AGBL4: variants seen among roughly 807,000 people sequenced by gnomAD.
AGBL4 encodes cytosolic carboxypeptidase 6.
Under a neutral mutation model 66.4 loss-of-function variants are expected in AGBL4, and 58 were observed. The observed-to-expected ratio is 0.87, with a 90% CI of 0.71 to 1.09. The LOEUF is 1.09. AGBL4 is among the 50% of genes least tolerant of loss of function. AGBL4 has a pLI of 0.00. For synonymous variants in AGBL4, 234 were observed against 222.9 expected (o/e 1.05, Z -0.44); for missense variants, 579 against 631.0 (o/e 0.92, Z 0.88).
chr1:49,225,286 G>A (rs566709965), intron 4 of AGBL4, among the ~76,000 whole-genome samples: 1 of 152,254 alleles, frequency 6.6e-6, no homozygotes, highest in Non-Finnish European at 1.5e-5. Flanking sequence ...TATCAACATA[G>A]AAAATATCTG....
intron 1 of AGBL4, among the ~76,000 whole-genome samples, chr1:49,936,121 C>T (rs1653981276): frequency 6.6e-6 from 1 of 152,068 alleles, no homozygotes; most frequent in Non-Finnish European, 1.5e-5. Context: ...ACTAGAATAA[C>T]CAATATACAG....
intron 5 of AGBL4, among the ~76,000 whole-genome samples, chr1:48,976,822 A>AAT: frequency 6.6e-6 from 1 of 151,862 alleles, no homozygotes; most frequent in East Asian, 1.9e-4. Context: ...CTACTTTTTT[A>AAT]GACCTTCTAA....
chr1:49,644,435 A>T (rs1410425157), intron 3 of AGBL4, among the ~76,000 whole-genome samples: 3 of 151,696 alleles, frequency 2.0e-5, no homozygotes, highest in African/African-American at 4.8e-5. Flanking sequence ...ACTACACAGA[A>T]AGGTTAAAGT....
chr1:49,104,048 C>T (rs1326039177), intron 4 of AGBL4, among the ~76,000 whole-genome samples: 2 of 152,294 alleles, frequency 1.3e-5, no homozygotes, highest in East Asian at 3.9e-4. Context: ...AGGTTAGGAA[C>T]ATGCTATGCA....
chr1:49,864,599 G>A (rs1360976715), intron 1 of AGBL4, among the ~76,000 whole-genome samples: 1 of 152,084 alleles, frequency 6.6e-6, no homozygotes, highest in Non-Finnish European at 1.5e-5. Context: ...CCTAGCCAAG[G>A]GATGCAGGGA....
chr1:49,242,669 G>A (rs1651329556), intron 4 of AGBL4, among the ~76,000 whole-genome samples: 1 of 151,900 alleles, frequency 6.6e-6, no homozygotes, highest in South Asian at 2.1e-4. Context: ...ATGCTACAGA[G>A]CCCTAACCAC....
At chr1:49,732,972 C>G (rs1231608302) in intron 2 of AGBL4, among the ~76,000 whole-genome samples, 6 of 151,964 alleles carry the variant, frequency 3.9e-5, no homozygotes, top group African/African-American at 1.4e-4. Flanking sequence ...ATGAGCCCAA[C>G]TGCTGACACC....
chr1:48,602,795 C>A (rs530759478), intron 9 of AGBL4, among the ~76,000 whole-genome samples: 1 of 152,338 alleles, frequency 6.6e-6, no homozygotes, highest in African/African-American at 2.4e-5. Flanking sequence ...CCTCTTTCTT[C>A]TCTAACTCTC....
intron 6 of AGBL4, among the ~76,000 whole-genome samples, chr1:48,764,353 A>G (rs1445756613): frequency 6.6e-6 from 1 of 152,228 alleles, no homozygotes; most frequent in Non-Finnish European, 1.5e-5. Flanking sequence ...GAAGATTACC[A>G]ATTCTATGTG....
intron 1 of AGBL4, among the ~76,000 whole-genome samples, chr1:50,012,284 T>A (rs1401597438): frequency 1.3e-5 from 2 of 151,904 alleles, no homozygotes; most frequent in Admixed American, 1.3e-4. Flanking sequence ...CCTGCTATCG[T>A]GATAGCCCAA....
chr1:48,996,258 G>C (rs901605640), intron 5 of AGBL4, among the ~76,000 whole-genome samples: 1 of 152,182 alleles, frequency 6.6e-6, no homozygotes, highest in African/African-American at 2.4e-5. Flanking sequence ...TAGAGTTCAG[G>C]AGAAGTTAAG....
intron 2 of AGBL4, among the ~76,000 whole-genome samples, chr1:49,816,775 C>A (rs937630706): frequency 1.3e-5 from 2 of 152,286 alleles, no homozygotes; most frequent in South Asian, 4.1e-4. Flanking sequence ...GACTAATTGG[C>A]AGCATCTCTA....
intron 6 of AGBL4, among the ~76,000 whole-genome samples, chr1:48,750,146 C>T (rs576558173): frequency 6.3e-4 from 96 of 152,304 alleles, no homozygotes; most frequent in African/African-American, 2.2e-3. Flanking sequence ...TGGGATTCAT[C>T]TTTGCTAAAT....
intron 11 of AGBL4, among the ~76,000 whole-genome samples, chr1:48,554,712 G>A (rs1644296363): frequency 6.6e-6 from 1 of 152,016 alleles, no homozygotes; most frequent in Non-Finnish European, 1.5e-5. Flanking sequence ...TCCAGGTACT[G>A]TGCTAGTTTC....
At chr1:49,115,189 C>T (rs76182965) in intron 4 of AGBL4, among the ~76,000 whole-genome samples, 4,201 of 152,202 alleles carry the variant, frequency 0.028, 170 homozygotes, top group African/African-American at 0.096. Flanking sequence ...AATAAAGAAT[C>T]CTGTTTGGGC....
intron 3 of AGBL4, among the ~76,000 whole-genome samples, chr1:49,637,812 A>G (rs971079007): frequency 2.6e-5 from 4 of 152,164 alleles, no homozygotes; most frequent in African/African-American, 9.6e-5. Flanking sequence ...ACCAATATAT[A>G]AAAACAACCA....
At chr1:48,657,036 G>A (rs1452661356) in intron 7 of AGBL4, among the ~76,000 whole-genome samples, 5 of 152,160 alleles carry the variant, frequency 3.3e-5, no homozygotes, top group African/African-American at 1.2e-4. Context: ...AGGAAGAGAT[G>A]GTCTGTTGGT....
intron 1 of AGBL4, among the ~76,000 whole-genome samples, chr1:50,010,487 C>CAT (rs1661455116): frequency 6.6e-6 from 1 of 151,418 alleles, no homozygotes; most frequent in South Asian, 2.1e-4. Context: ...CACACACACA[C>CAT]ACACACACAA....
chr1:49,572,033 T>C (rs1407393335), intron 3 of AGBL4, among the ~76,000 whole-genome samples: 1 of 152,148 alleles, frequency 6.6e-6, no homozygotes, highest in African/African-American at 2.4e-5. Flanking sequence ...GTTTTCTTTT[T>C]ATGCTGTGTC....
Sources: gnomAD v4.1 joint callset for allele counts (sites outside exome capture counted in the v4.1 genomes callset) on GRCh38, gnomAD v4.1.1 for gene constraint, MANE v1.5 for transcripts, NCBI Gene and HGNC (gene_info 2026-07-23, HGNC 2026-07-21) for gene names.